The following DPP6 variants were observed in gnomAD, a reference collection of about 807,000 sequenced individuals.
The protein encoded by DPP6 is A-type potassium channel modulatory protein DPP6.
DPP6 carries 69 observed loss-of-function variants against 122.6 expected under a neutral mutation model. The observed-to-expected ratio is 0.56, with a 90% confidence interval of 0.46 to 0.69. The LOEUF is 0.69. Among genes scored for constraint, DPP6 ranks in the 30% least tolerant of loss-of-function variants. The probability of loss-of-function intolerance (pLI) is 0.00; values close to 1 mark genes in which losing one functional copy is unlikely to be tolerated. For missense variants in DPP6, 928 were observed against 1,116.9 expected, an observed-to-expected ratio of 0.83 and a Z score of 2.41; for synonymous variants, 418 against 433.1, an observed-to-expected ratio of 0.97 and a Z score of 0.43.
At chr7:154,097,975 A>G (rs187643870) in intron 1 of DPP6, among the ~76,000 whole-genome samples, 140 of 152,302 alleles carry the variant, frequency 9.2e-4, no homozygotes, top group Non-Finnish European at 1.6e-3. Context: ...CACTTCTGCC[A>G]TATACATTAG....
intron 1 of DPP6, among the ~76,000 whole-genome samples, chr7:154,370,155 G>T (rs1279870413): frequency 6.6e-6 from 1 of 150,612 alleles, no homozygotes; most frequent in Non-Finnish European, 1.5e-5. Flanking sequence ...GCTAATTTTT[G>T]TATTTTTTGT....
At chr7:154,122,493 G>T (rs1388838899) in intron 1 of DPP6, among the ~76,000 whole-genome samples, 5 of 152,324 alleles carry the variant, frequency 3.3e-5, no homozygotes, top group South Asian at 2.1e-4. Context: ...AGAGATGGGG[G>T]TTAAATTCCC....
intron 16 of DPP6, among the ~76,000 whole-genome samples, chr7:154,809,083 T>G (rs561147527): frequency 6.6e-6 from 1 of 152,324 alleles, no homozygotes; most frequent in South Asian, 2.1e-4. Context: ...AAATTCTTAC[T>G]ATAACCAGCA....
chr7:154,557,538 T>G (rs1830132893), intron 4 of DPP6, among the ~76,000 whole-genome samples: 1 of 152,084 alleles, frequency 6.6e-6, no homozygotes, highest in Admixed American at 6.5e-5. Context: ...AATAGAACCG[T>G]GGCAAAACAA....
the DPP6 span, among the ~76,000 whole-genome samples, chr7:153,790,190 C>G: frequency 6.6e-6 from 1 of 151,936 alleles, no homozygotes. Context: ...TTTCAGTTCT[C>G]TACAACTTTA....
At chr7:153,965,754 GC>G (rs1293267469) in intron 1 of DPP6, among the ~76,000 whole-genome samples, 1 of 151,850 alleles carries the variant, frequency 6.6e-6, no homozygotes. Context: ...ACTTTGCGAG[GC>G]CCAGACAGGC....
the DPP6 span, among the ~76,000 whole-genome samples, chr7:153,774,570 C>T: frequency 6.6e-6 from 1 of 152,116 alleles, no homozygotes; most frequent in African/African-American, 2.4e-5. Context: ...CAAATGTGAC[C>T]TAAGGTTATC....
intron 1 of DPP6, among the ~76,000 whole-genome samples, chr7:153,943,842 A>G (rs916998102): frequency 2.1e-5 from 3 of 143,172 alleles, no homozygotes; most frequent in Non-Finnish European, 4.7e-5. Context: ...AAGCATCTCT[A>G]TGCCCCGAGT....
At chr7:154,329,220 C>T (rs1301568246) in intron 1 of DPP6, among the ~76,000 whole-genome samples, 1 of 152,212 alleles carries the variant, frequency 6.6e-6, no homozygotes, top group Non-Finnish European at 1.5e-5. Flanking sequence ...TTACTGTGCA[C>T]CACATACAGT....
rs180694703 is a variant in DPP6, at chr7:154,007,949, A to C, written c.51+120215A>C. 2.3e-3 allele frequency among the ~76,000 whole-genome samples: 349 copies of C among 152,302 alleles called. 1 individual carries two copies. Among genetic ancestry groups the C allele is most frequent in the African/African-American group, 7.9e-3 (327 of 41,536 alleles). ...ATTCCGTTGGCCTGAACTGAGGCAT[A>C]CCATGCCGTGAGGCTCAGCGAGATG... On this transcript the variant is annotated intron_variant, in intron 1 of 25. Coordinates refer to the DPP6 transcript ENST00000404039.
chr7:154,088,115 G>A (rs973929863), intron 1 of DPP6, among the ~76,000 whole-genome samples: 11 of 152,112 alleles, frequency 7.2e-5, no homozygotes, highest in Non-Finnish European at 1.6e-4. Context: ...GAAGCCCCTC[G>A]TGGCACAGCA....
intron 1 of DPP6, among the ~76,000 whole-genome samples, chr7:153,976,732 A>T (rs1796325702): frequency 6.6e-6 from 1 of 152,238 alleles, no homozygotes; most frequent in Non-Finnish European, 1.5e-5. Context: ...ATTAAGGAAC[A>T]TCTGACATAA....
intron 1 of DPP6, among the ~76,000 whole-genome samples, chr7:154,400,757 A>C (rs570409354): frequency 6.6e-6 from 1 of 152,334 alleles, no homozygotes; most frequent in Non-Finnish European, 1.5e-5. Flanking sequence ...TATTTTGTAA[A>C]ATTTTAAATT....
At chr7:154,562,869 T>A (rs1284714093) in intron 4 of DPP6, among the ~76,000 whole-genome samples, 2 of 152,148 alleles carry the variant, frequency 1.3e-5, no homozygotes, top group Non-Finnish European at 2.9e-5. Flanking sequence ...TCCTTGGGAA[T>A]AAATTTACAA....
the DPP6 span, among the ~76,000 whole-genome samples, chr7:153,858,165 G>A: frequency 6.6e-6 from 1 of 152,278 alleles, no homozygotes; most frequent in East Asian, 1.9e-4. Context: ...AATGACAAGA[G>A]AGTTTTCTTT....
chr7:153,923,987 G>A (rs1236791563), intron 1 of DPP6, among the ~76,000 whole-genome samples: 1 of 152,078 alleles, frequency 6.6e-6, no homozygotes, highest in African/African-American at 2.4e-5. Context: ...CTCAAGAACT[G>A]CTTTTCAAAT....
At chr7:154,810,496 G>A (rs1157807716) in intron 16 of DPP6, among the ~76,000 whole-genome samples, 2 of 152,170 alleles carry the variant, frequency 1.3e-5, no homozygotes, top group African/African-American at 4.8e-5. Context: ...TCTGCCACTG[G>A]CCTTCTGTCC....
intron 3 of DPP6, among the ~76,000 whole-genome samples, chr7:154,539,804 GT>G (rs149931133): frequency 0.023 from 3,520 of 151,962 alleles, 129 homozygotes; most frequent in African/African-American, 0.08. Context: ...AATTATTGGT[GT>G]ATTTATTTTG....
At chr7:153,815,353 T>A in the DPP6 span, among the ~76,000 whole-genome samples, 1 of 152,000 alleles carries the variant, frequency 6.6e-6, no homozygotes, top group Non-Finnish European at 1.5e-5. Flanking sequence ...TGCATCAGAG[T>A]GCCTGGTGAG....
Sources: gnomAD v4.1 joint callset for allele counts (sites outside exome capture counted in the v4.1 genomes callset) on GRCh38, gnomAD v4.1.1 for gene constraint, MANE v1.5 for transcripts, NCBI Gene and HGNC (gene_info 2026-07-23, HGNC 2026-07-21) for gene names.